Variants in ARHGEF9 observed in about 807,000 individuals in gnomAD.
ARHGEF9 encodes the protein Cdc42 guanine nucleotide exchange factor 9, also known as rho guanine nucleotide exchange factor 9.
ARHGEF9 carries 2 observed loss-of-function variants against 41.3 expected under a neutral mutation model. That is an observed-to-expected ratio of 0.05 (90% CI 0.02 to 0.15). The LOEUF is 0.15. Among genes scored for constraint, ARHGEF9 ranks in the 10% least tolerant of loss-of-function variants. The pLI is 1.00. For missense variants in ARHGEF9, 225 were observed against 424.7 expected (o/e 0.53, Z 4.13); for synonymous variants, 160 against 154.4 (o/e 1.04, Z -0.27).
intron 1 of ARHGEF9, 141 bp downstream of exon 1, chrX:63,784,975 C>T: frequency 1.4e-6 from 1 of 734,181 alleles, no homozygotes; most frequent in Non-Finnish European, 2.0e-6. Context: ...ACAGCAAGCT[C>T]ACTGGTGTCT....
chrX:63,735,291 C>A (rs1447102939), intron 1 of ARHGEF9, among the ~76,000 whole-genome samples: 1 of 111,245 alleles, frequency 9.0e-6, no homozygotes, highest in Non-Finnish European at 1.9e-5. Context: ...TTTTCCTGGA[C>A]TACGACTTGA....
At chrX:63,649,349 T>C (rs2048374828) in intron 8 of ARHGEF9, among the ~76,000 whole-genome samples, 1 of 109,940 alleles carries the variant, frequency 9.1e-6, no homozygotes, top group Non-Finnish European at 1.9e-5. Flanking sequence ...ACTGGGTACA[T>C]AACGAAATGA....
intron 1 of ARHGEF9, among the ~76,000 whole-genome samples, chrX:63,783,403 T>A (rs1258847509): frequency 1.8e-5 from 2 of 110,163 alleles, no homozygotes; most frequent in Non-Finnish European, 3.8e-5. Context: ...GCCTCAGGCA[T>A]GTGCCACTAC....
rs2047393348 is a variant in ARHGEF9, at chrX:63,637,896, GTGTA to G, written c.*128_*131del. The G allele has an allele frequency of 2.2e-6, 1 of 459,048 alleles. No homozygotes were observed. Among genetic ancestry groups the G allele is most frequent in the Non-Finnish European group, 3.7e-6 (1 of 271,727 alleles). 37.8% of individuals were successfully genotyped at this position (459,048 alleles called of 1,213,427 possible). On this transcript the variant is annotated 3_prime_UTR_variant, in exon 10 of 10. Coordinates refer to ENST00000671741, the MANE Select transcript of ARHGEF9 (RefSeq NM_001353921.2). ...TGTGTGTGTGTCTGTGTGTGTGTGT[GTGTA>G]TGTGTACTCAAGGGTCTCTGTGTGT...
At chrX:63,716,971 C>T (rs1602539387) in intron 2 of ARHGEF9, among the ~76,000 whole-genome samples, 2 of 112,316 alleles carry the variant, frequency 1.8e-5, no homozygotes, top group African/African-American at 3.2e-5. Flanking sequence ...GTAAGCTATG[C>T]TTACTTTATA....
intron 3 of ARHGEF9, among the ~76,000 whole-genome samples, chrX:63,701,231 G>A (rs1209053888): frequency 3.6e-5 from 4 of 110,966 alleles, no homozygotes; most frequent in Admixed American, 1.9e-4. Flanking sequence ...CTGGGGTTTA[G>A]GAAATTCTTT....
intron 6 of ARHGEF9, among the ~76,000 whole-genome samples, chrX:63,669,814 G>A (rs2049825160): frequency 8.9e-6 from 1 of 111,824 alleles, no homozygotes; most frequent in Non-Finnish European, 1.9e-5. Flanking sequence ...TCTACCTGAT[G>A]ATATATGTTT....
chrX:63,739,938 C>G (rs1287769393), intron 1 of ARHGEF9, among the ~76,000 whole-genome samples: 1 of 111,885 alleles, frequency 8.9e-6, no homozygotes, highest in African/African-American at 3.3e-5. Flanking sequence ...ATGTCTGCAG[C>G]AGGGGGAAAC....
At chrX:63,769,958 G>A (rs1282240235) in intron 1 of ARHGEF9, among the ~76,000 whole-genome samples, 3 of 112,281 alleles carry the variant, frequency 2.7e-5, no homozygotes, top group African/African-American at 9.7e-5. Flanking sequence ...CCCACACTGA[G>A]TCCCTACTGG....
At chrX:63,644,100 G>A in intron 8 of ARHGEF9, 52 bp from the exon 9 acceptor site, 1 of 980,097 alleles carries the variant, frequency 1.0e-6, no homozygotes, top group Non-Finnish European at 1.4e-6. Context: ...CACCCTTACT[G>A]AGTGTATAAA....
At chrX:63,675,607 C>T (rs1556361208) in intron 5 of ARHGEF9, among the ~76,000 whole-genome samples, 1 of 112,006 alleles carries the variant, frequency 8.9e-6, no homozygotes, top group Non-Finnish European at 1.9e-5. Flanking sequence ...TTACTCTTGG[C>T]ATATAACAAA....
At chrX:63,710,913 T>C (rs782502460) in intron 2 of ARHGEF9, among the ~76,000 whole-genome samples, 7 of 110,808 alleles carry the variant, frequency 6.3e-5, no homozygotes, top group Non-Finnish European at 9.5e-5. Context: ...TCATATAACG[T>C]GATATACAGG....
intron 1 of ARHGEF9, among the ~76,000 whole-genome samples, chrX:63,776,916 T>C (rs1345179526): frequency 9.0e-6 from 1 of 111,421 alleles, no homozygotes; most frequent in African/African-American, 3.3e-5. Flanking sequence ...CAACTGCCTA[T>C]TAGATATCTA....
At chrX:63,647,412 T>C (rs61253140) in intron 8 of ARHGEF9, among the ~76,000 whole-genome samples, 8,395 of 111,342 alleles carry the variant, frequency 0.075, 625 homozygotes, top group African/African-American at 0.23. Context: ...CCCATCAGTA[T>C]GTAATTTATT....
At chrX:63,661,318 A>G (rs2049199801) in intron 7 of ARHGEF9, among the ~76,000 whole-genome samples, 1 of 111,680 alleles carries the variant, frequency 9.0e-6, no homozygotes, top group Admixed American at 9.6e-5. Flanking sequence ...CCCCTTGAAT[A>G]TGGTGAAAGC....
chrX:63,645,805 C>T (rs1300502248), intron 8 of ARHGEF9, among the ~76,000 whole-genome samples: 12 of 112,072 alleles, frequency 1.1e-4, no homozygotes, highest in African/African-American at 3.6e-4. Context: ...AATCACCACA[C>T]TGACTTCCAC....
chrX:63,647,042 G>T (rs2147166286), intron 8 of ARHGEF9, among the ~76,000 whole-genome samples: 1 of 111,391 alleles, frequency 9.0e-6, no homozygotes, highest in South Asian at 3.8e-4. Flanking sequence ...GTCTATTATT[G>T]GTGTATAAGA....
intron 1 of ARHGEF9, among the ~76,000 whole-genome samples, chrX:63,770,383 T>A (rs1175470695): frequency 8.9e-6 from 1 of 112,436 alleles, no homozygotes; most frequent in Non-Finnish European, 1.9e-5. Flanking sequence ...CCATTTAAAA[T>A]GGCTGTGTTT....
At chrX:63,705,134 A>C (rs1556400139) in intron 3 of ARHGEF9, among the ~76,000 whole-genome samples, 2 of 112,309 alleles carry the variant, frequency 1.8e-5, no homozygotes, top group Non-Finnish European at 3.8e-5. Context: ...ACTATATTGG[A>C]GAATGCAGAC....
Sources: allele counts gnomAD v4.1 joint callset (sites outside exome capture counted in the v4.1 genomes callset), GRCh38; gene constraint gnomAD v4.1.1; transcripts MANE v1.5; gene names NCBI Gene and HGNC (gene_info 2026-07-23, HGNC 2026-07-21).